The following ABI2 variants were observed in gnomAD, a reference collection of about 807,000 sequenced individuals.
The protein encoded by ABI2 is abelson interactor 2.
Under a neutral mutation model 59.2 loss-of-function variants are expected in ABI2, and 25 were observed. That is an observed-to-expected ratio of 0.42 (90% confidence interval 0.31 to 0.59). The LOEUF is 0.59. Among genes scored for constraint, ABI2 ranks in the 20% least tolerant of loss-of-function variants. ABI2 has a pLI of 0.14. For missense variants in ABI2, 545 were observed against 681.8 expected (o/e 0.80, Z 2.23); for synonymous variants, 213 against 235.5 (o/e 0.90, Z 0.87).
intron 1 of ABI2, among the ~76,000 whole-genome samples, chr2:203,338,949 T>A (rs2077972465): frequency 5.0e-5 from 1 of 19,936 alleles, no homozygotes; most frequent in Non-Finnish European, 8.5e-5. Context: ...TATATATATA[T>A]ATATATATAT....
chr2:203,350,579 G>A (rs1045847268), intron 1 of ABI2, among the ~76,000 whole-genome samples: 5 of 144,464 alleles, frequency 3.5e-5, no homozygotes, highest in Admixed American at 2.9e-4. Flanking sequence ...TTAATCTGTC[G>A]CCCAGGCTAG....
intron 1 of ABI2, chr2:203,351,551 T>C: frequency 2.3e-6 from 1 of 433,804 alleles, no homozygotes; most frequent in Admixed American, 2.7e-5. Flanking sequence ...TTTTTTTCCT[T>C]TAGAGATGGG....
At chr2:203,383,776 A>G (rs1447214177) in intron 4 of ABI2, among the ~76,000 whole-genome samples, 1 of 152,164 alleles carries the variant, frequency 6.6e-6, no homozygotes, top group Non-Finnish European at 1.5e-5. Flanking sequence ...AGCATTATGG[A>G]TTCCTTATCC....
intron 1 of ABI2, among the ~76,000 whole-genome samples, chr2:203,330,370 C>A (rs957379076): frequency 2.3e-5 from 3 of 131,872 alleles, no homozygotes; most frequent in Admixed American, 8.8e-5. Context: ...CAGGCCTGGG[C>A]GATAAGAGTG....
At chr2:203,335,384 A>T (rs1201183169) in intron 1 of ABI2, among the ~76,000 whole-genome samples, 1 of 152,154 alleles carries the variant, frequency 6.6e-6, no homozygotes, top group Non-Finnish European at 1.5e-5. Context: ...CAGCTCCCAA[A>T]GTAGCTGGGA....
chr2:203,399,541 G>A (rs953354366), intron 8 of ABI2, among the ~76,000 whole-genome samples: 1 of 152,038 alleles, frequency 6.6e-6, no homozygotes, highest in African/African-American at 2.4e-5. Context: ...GGCGGACAGA[G>A]TTTCACTCTT....
chr2:203,344,315 A>G (rs2081820371), intron 1 of ABI2, among the ~76,000 whole-genome samples: 3 of 152,162 alleles, frequency 2.0e-5, no homozygotes, highest in Admixed American at 2.0e-4. Flanking sequence ...TAAAGTACTA[A>G]TGATGTATTT....
chr2:203,357,985 C>A (rs2092588966), intron 1 of ABI2, among the ~76,000 whole-genome samples: 1 of 151,750 alleles, frequency 6.6e-6, no homozygotes. Flanking sequence ...ACCAGGCTGT[C>A]TCGAACTCCT....
At chr2:203,342,750 A>G (rs2080800208) in intron 1 of ABI2, among the ~76,000 whole-genome samples, 1 of 151,828 alleles carries the variant, frequency 6.6e-6, no homozygotes, top group African/African-American at 2.4e-5. Flanking sequence ...ATGCCTGGCT[A>G]ATCGCCCTCA....
chr2:203,367,947 T>C (rs940689284), intron 2 of ABI2, among the ~76,000 whole-genome samples: 1 of 151,984 alleles, frequency 6.6e-6, no homozygotes, highest in Non-Finnish European at 1.5e-5. Context: ...CTAGACTATA[T>C]TGAGCTGTGA....
Position 203,404,223 on chromosome 2 carries a change from C to T in ABI2, c.1192+1489C>T, listed in dbSNP as rs374861995. ...TATACAGTTACATCCTGGAATATTG[C>T]TCAGGAACTGTTTGTTGAATGCCAA... On this transcript the variant is annotated intron_variant, in intron 9 of 11. Transcript: ENST00000261018. Among the ~76,000 whole-genome samples the T allele has an allele frequency of 5.9e-5, 9 of 152,306 alleles. 1 individual carries two copies. Among genetic ancestry groups the T allele is most frequent in the African/African-American group, 2.2e-4 (9 of 41,570 alleles).
At chr2:203,367,590 C>T (rs1486012351) in intron 2 of ABI2, among the ~76,000 whole-genome samples, 1 of 152,012 alleles carries the variant, frequency 6.6e-6, no homozygotes, top group Non-Finnish European at 1.5e-5. Flanking sequence ...AAGCCATACT[C>T]ATGAAAACCC....
chr2:203,338,068 A>G (rs2077271202), intron 1 of ABI2, among the ~76,000 whole-genome samples: 1 of 152,224 alleles, frequency 6.6e-6, no homozygotes, highest in Non-Finnish European at 1.5e-5. Context: ...TGTTACTGGC[A>G]TAAAAGACAT....
rs754909678 is a variant in ABI2 at position 203,411,350 on chromosome 2, G to A, written c.1258G>A (p.Val420Met). The change falls in exon 10 of 12, where the codon GTG (valine) becomes ATG (methionine). Residue 420 changes from valine (V) to methionine (M), a missense_variant. By Grantham distance (21) the Val-to-Met change is conservative. Around this residue, in one of 4 missense-constraint regions of ABI2, gnomAD observed 410 missense variants for 435.6 expected, o/e 0.94. Coordinates refer to ENST00000261018, the MANE Select transcript of ABI2 (RefSeq NM_001375670.1). ...TCCTCAGTTACCTTTAATGGGATTT[G>A]TGGCCAGAGTCCAAGAAAATAGTAA... is the stretch of plus-strand genomic sequence containing the variant. ...VTPQLPLMGF[V>M]ARVQENISDT... 2 of 1,613,260 alleles carry A rather than the reference G, an allele frequency of 1.2e-6. No individual in the cohort carries two copies. The highest frequency in any genetic ancestry group is 1.7e-6 in the Non-Finnish European group (2 of 1,179,498).
chr2:203,366,982 A>G lies in ABI2; in HGVS notation c.223A>G (p.Met75Val), dbSNP rs1448499686. ...CACCTTGGCCAACAATGTCCTGCAGATGCTGGATATCCAGGCATCCCAGCT... is the reference window on the plus strand; with the variant it reads ...CACCTTGGCCAACAATGTCCTGCAGGTGCTGGATATCCAGGCATCCCAGCT... ...INTLANNVLQ[M>V]LDIQASQLRR... is the part of the protein sequence containing the mutation. Residue 75 changes from methionine to valine, a missense_variant, in exon 2 of 12, where the codon ATG becomes GTG. Physicochemically the swap from Met to Val is conservative, Grantham distance 21 (BLOSUM62 1). Around this residue, in one of 4 missense-constraint regions of ABI2, gnomAD observed 36 missense variants for 80.0 expected, o/e 0.45. Coordinates refer to ENST00000261018, the MANE Select transcript of ABI2 (RefSeq NM_001375670.1). 1 of 1,613,834 alleles carries G rather than the reference A, an allele frequency of 6.2e-7. No homozygotes were observed. The highest frequency in any genetic ancestry group is 1.1e-5 in the South Asian group (1 of 90,988).
chr2:203,359,270 A>G (rs1215609893), intron 1 of ABI2, among the ~76,000 whole-genome samples: 1 of 152,076 alleles, frequency 6.6e-6, no homozygotes, highest in African/African-American at 2.4e-5. Context: ...ATGCCTTTAT[A>G]TTTTCCTTCA....
Position 203,411,390 on chromosome 2 carries a change from T to C in ABI2, c.1279+19T>C. The C allele has an allele frequency of 6.3e-7, 1 of 1,585,406 alleles. No individual in the cohort carries two copies. The highest frequency in any genetic ancestry group is 8.7e-7 in the Non-Finnish European group (1 of 1,154,234). ...GAAAATAGTAAGTTTATGTCTTCTT[T>C]ATGCTGTAGATCAGATTGTAGGCAT... On this transcript the variant is annotated intron_variant, in intron 10 of 11. Transcript: ENST00000261018.
intron 1 of ABI2, among the ~76,000 whole-genome samples, chr2:203,356,512 G>T (rs2092046141): frequency 6.6e-6 from 1 of 152,094 alleles, no homozygotes; most frequent in African/African-American, 2.4e-5. Flanking sequence ...GGGACTACAG[G>T]CGCGTGCTGC....
intron 9 of ABI2, among the ~76,000 whole-genome samples, chr2:203,408,870 C>T (rs1236707931): frequency 6.1e-5 from 5 of 81,792 alleles, no homozygotes; most frequent in East Asian, 2.6e-4. Flanking sequence ...CTCGCTCTGT[C>T]GCCCAGGTCG....
Sources: allele counts gnomAD v4.1 joint callset (sites outside exome capture counted in the v4.1 genomes callset), GRCh38; gene constraint gnomAD v4.1.1; regional missense constraint gnomAD v4.1.1; transcripts MANE v1.5; gene names NCBI Gene and HGNC (gene_info 2026-07-23, HGNC 2026-07-21).